CEP41: variants seen among roughly 807,000 people sequenced by gnomAD.
CEP41 encodes centrosomal protein of 41 kDa.
CEP41 carries 32 observed loss-of-function variants against 44.3 expected under a neutral mutation model. That is an observed-to-expected ratio of 0.72 (90% CI 0.54 to 0.97). The LOEUF is 0.97. Among genes scored for constraint, CEP41 ranks in the 50% least tolerant of loss-of-function variants. The pLI is 0.00. For missense variants in CEP41, 432 were observed against 455.2 expected (o/e 0.95, Z 0.46); for synonymous variants, 151 against 168.5 (o/e 0.90, Z 0.80).
chr7:130,419,904 T>C (rs1797450020), intron 2 of CEP41: 2 of 985,276 alleles, frequency 2.0e-6, no homozygotes, highest in Non-Finnish European at 2.4e-6. Context: ...CTGTATTGTC[T>C]TACCTACCTT....
chr7:130,426,499 C>T (rs1554423518), intron 2 of CEP41: 3 of 307,486 alleles, frequency 9.8e-6, no homozygotes, highest in Non-Finnish European at 1.9e-5. Context: ...TGAAATAAAC[C>T]TCAGCTCTTA....
chr7:130,399,819 CAAA>C, intron 10 of CEP41: 1 of 401,000 alleles, frequency 2.5e-6, no homozygotes. Flanking sequence ...GACTCTGTCT[CAAA>C]AAAAAAAAAA....
In CEP41 at chr7:130,397,939, C is replaced by T. The variant is rs899670861; in HGVS notation, c.*952G>A. 12 of 454,540 alleles carry T rather than the reference C, an allele frequency of 2.6e-5. No individual in the cohort carries two copies. The highest frequency in any genetic ancestry group is 1.4e-4 in the Admixed American group (6 of 42,576). 28.2% of individuals were successfully genotyped at this position (454,540 alleles called of 1,614,324 possible). A position where few individuals can be genotyped will look rare whatever the true frequency, so the allele number is the denominator to read the frequency against. The stretch of plus-strand genomic sequence containing the variant: ...CTAATACTGTATTTCTAAGCAAGGG[C>T]TTACGAGGTTGTCAGCCCTGACAAA... On this transcript the variant is annotated 3_prime_UTR_variant, in exon 11 of 11. Transcript: ENST00000223208.
At position 130,394,882 on chromosome 7, in the gene CEP41, C is replaced by T; in HGVS notation, c.*4009G>A. ...ATATCCTTTAAAAGATGCAGCCCAT[C>T]CGTCCACAGCATTTGAGAAGTGGCC... is the stretch of plus-strand genomic sequence containing the variant. On this transcript the variant is annotated 3_prime_UTR_variant, in exon 11 of 11. Transcript: ENST00000223208. 1 of 454,132 alleles carries T rather than the reference C, an allele frequency of 2.2e-6. No homozygotes were observed. The highest frequency in any genetic ancestry group is 4.4e-6 in the Non-Finnish European group (1 of 226,792). The allele number at this position is 454,132 out of a possible 1,614,324, so 28.1% of individuals were successfully genotyped here.
Position 130,396,904 on chromosome 7 carries a change from T to C in CEP41, c.*1987A>G. ...CTAATACTCCAAAGTTGTCTGACGA[T>C]GGGAACGCAGAATCGGAACAAGGAG... is the stretch of plus-strand genomic sequence containing the variant. On this transcript the variant is annotated 3_prime_UTR_variant, in exon 11 of 11. Transcript: ENST00000223208. 2.2e-6 allele frequency: 1 copy of C among 448,670 alleles called. No homozygotes were observed. Among genetic ancestry groups the C allele is most frequent in the Non-Finnish European group, 4.5e-6 (1 of 224,324 alleles). 27.8% of individuals were successfully genotyped at this position (448,670 alleles called of 1,614,324 possible).
rs1474012271 is a variant in CEP41 at position 130,398,122 on chromosome 7, G to C, written c.*769C>G. The stretch of plus-strand genomic sequence containing the variant: ...CTGACCACAAGTGAGGGCCGCTTTG[G>C]TGGGCTTCAAGGGGCACAGGCCGGT... On this transcript the variant is annotated 3_prime_UTR_variant, in exon 11 of 11. Transcript: ENST00000223208. 1 of 454,058 alleles carries C rather than the reference G, an allele frequency of 2.2e-6. No homozygotes were observed. The highest frequency in any genetic ancestry group is 4.4e-6 in the Non-Finnish European group (1 of 226,710). 28.1% of individuals were successfully genotyped at this position (454,058 alleles called of 1,614,324 possible). A position where few individuals can be genotyped will look rare whatever the true frequency, so the allele number is the denominator to read the frequency against.
At chr7:130,421,257 G>A (rs114154031) in intron 2 of CEP41, 2 of 985,254 alleles carry the variant, frequency 2.0e-6, no homozygotes, top group African/African-American at 3.5e-5. Flanking sequence ...AAGTGATTTT[G>A]TGCAGCAGTA....
chr7:130,421,510 TAAAC>T, intron 2 of CEP41: 1 of 984,130 alleles, frequency 1.0e-6, no homozygotes, highest in Non-Finnish European at 1.2e-6. Context: ...GAAACAGAAT[TAAAC>T]AACAAATAAA....
At chr7:130,424,454 G>A (rs1323890680) in intron 2 of CEP41, among the ~76,000 whole-genome samples, 2 of 151,334 alleles carry the variant, frequency 1.3e-5, no homozygotes, top group African/African-American at 4.9e-5. Context: ...CCAATTTTAA[G>A]TATCCAATTT....
chr7:130,404,776 T>A, intron 5 of CEP41, 68 bp from the exon 6 acceptor site: 1 of 1,187,586 alleles, frequency 8.4e-7, no homozygotes, highest in Non-Finnish European at 1.3e-6. Flanking sequence ...TTAGTTCCAC[T>A]GACATTAAGT....
chr7:130,407,715 A>C (rs897081699), intron 5 of CEP41, among the ~76,000 whole-genome samples: 11 of 152,202 alleles, frequency 7.2e-5, no homozygotes, highest in Non-Finnish European at 1.0e-4. Flanking sequence ...AATGCAAACA[A>C]ACAAGCCAAT....
At position 130,395,651 on chromosome 7, in the gene CEP41, A is replaced by G. The variant is rs1164590170; in HGVS notation, c.*3240T>C. On this transcript the variant is annotated 3_prime_UTR_variant, in exon 11 of 11. Coordinates refer to ENST00000223208, the MANE Select transcript of CEP41 (RefSeq NM_018718.3). ...TTACCTACGTATTTCTTCCTAGCCT[A>G]GGACTCTGATTTCACTTACATTCCA... 4.4e-6 allele frequency: 2 copies of G among 453,928 alleles called. No individual in the cohort carries two copies. Among genetic ancestry groups the G allele is most frequent in the Non-Finnish European group, 8.8e-6 (2 of 226,796 alleles). 28.1% of individuals were successfully genotyped at this position (453,928 alleles called of 1,614,324 possible).
At chr7:130,432,111 G>A (rs1260576378) in intron 1 of CEP41, among the ~76,000 whole-genome samples, 3 of 152,116 alleles carry the variant, frequency 2.0e-5, no homozygotes, top group African/African-American at 7.2e-5. Context: ...CACTGAAGAA[G>A]TTTGAAGGAG....
intron 1 of CEP41, among the ~76,000 whole-genome samples, chr7:130,437,806 A>T (rs1798020968): frequency 7.0e-6 from 1 of 143,722 alleles, no homozygotes; most frequent in Non-Finnish European, 1.5e-5. Context: ...AAAAAAAAAG[A>T]TGTTGATGAT....
chr7:130,435,821 A>C (rs1296816381), intron 1 of CEP41, among the ~76,000 whole-genome samples: 1 of 152,196 alleles, frequency 6.6e-6, no homozygotes, highest in Non-Finnish European at 1.5e-5. Flanking sequence ...CCCAAAACTG[A>C]TGACAACCAA....
intron 3 of CEP41, among the ~76,000 whole-genome samples, chr7:130,415,099 A>G (rs1212429312): frequency 6.6e-6 from 1 of 152,244 alleles, no homozygotes; most frequent in South Asian, 2.1e-4. Context: ...CCCCAGGTAG[A>G]GTTGAAAGAA....
chr7:130,419,329 A>C (rs1444941692), intron 2 of CEP41: 19 of 985,348 alleles, frequency 1.9e-5, no homozygotes, highest in Non-Finnish European at 2.3e-5. Flanking sequence ...AGATAGCAGG[A>C]TGGCTGACAC....
chr7:130,440,793 C>A, intron 1 of CEP41, 141 bp downstream of exon 1: 2 of 689,784 alleles, frequency 2.9e-6, no homozygotes, highest in Admixed American at 1.9e-5. Flanking sequence ...CCCGCCCCGC[C>A]CCTGCATCCC....
At position 130,401,917 on chromosome 7, in the gene CEP41, T is replaced by C; in HGVS notation, c.606A>G (p.Arg202=). The part of the protein sequence containing the change: ...AYSYPIATLS[R]TMNPYSNDIL... Reference sequence around the variant, plus strand: ...TATCATTTGAATAAGGGTTCATTGTTCTAGACAGAGTTGCAATTGGGTAAC... The same window carrying C: ...TATCATTTGAATAAGGGTTCATTGTCCTAGACAGAGTTGCAATTGGGTAAC... Residue 202 remains arginine, a synonymous_variant, in exon 8 of 11, where the codon AGA becomes AGG. Coordinates refer to ENST00000223208, the MANE Select transcript of CEP41 (RefSeq NM_018718.3). 6.2e-7 allele frequency: 1 copy of C among 1,611,016 alleles called. No individual in the cohort carries two copies.
Sources: gnomAD v4.1 joint callset for allele counts (sites outside exome capture counted in the v4.1 genomes callset) on GRCh38, gnomAD v4.1.1 for gene constraint, MANE v1.5 for transcripts, NCBI Gene and HGNC (gene_info 2026-07-23, HGNC 2026-07-21) for gene names.